VANGL2: variants seen among roughly 807,000 people sequenced by gnomAD.
VANGL2 encodes the protein vang-like protein 2.
A neutral mutation model predicts 50.2 loss-of-function variants in VANGL2; 14 were observed. The observed-to-expected ratio is 0.28, with a 90% confidence interval of 0.18 to 0.44. VANGL2 has a LOEUF of 0.44. VANGL2 is among the 20% of genes least tolerant of loss of function. The pLI is 1.00. For synonymous variants in VANGL2, 295 were observed against 297.2 expected, an observed-to-expected ratio of 0.99 and a Z score of 0.08; for missense variants, 533 against 701.5, an observed-to-expected ratio of 0.76 and a Z score of 2.71.
At position 160,427,682 on chromosome 1, in the gene VANGL2, A is replaced by ACTG. The variant is rs949268926; in HGVS notation, c.*2308_*2310dup. ...GTGGGAAGTTGTCTCCATGCTGTGA[A>ACTG]CTGCTGTGGGGTGTGCAGCTGACTC... On this transcript the variant is annotated 3_prime_UTR_variant, in exon 8 of 8. Transcript: ENST00000368061. 1 of 152,118 alleles carries ACTG rather than the reference A, an allele frequency of 6.6e-6. No homozygotes were observed. Among genetic ancestry groups the ACTG allele is most frequent in the Non-Finnish European group, 1.5e-5 (1 of 67,958 alleles). 9.4% of individuals were successfully genotyped at this position (152,118 alleles called of 1,614,324 possible). A position where few individuals can be genotyped will look rare whatever the true frequency, so the allele number is the denominator to read the frequency against.
chr1:160,406,755 C>T (rs368405456), intron 1 of VANGL2, among the ~76,000 whole-genome samples: 4 of 151,092 alleles, frequency 2.6e-5, no homozygotes, highest in Non-Finnish European at 5.9e-5. Flanking sequence ...TTTTTGAAAC[C>T]GTTTCGCTCG....
intron 1 of VANGL2, among the ~76,000 whole-genome samples, chr1:160,408,169 TG>T (rs1553215878): frequency 1.9e-5 from 2 of 105,264 alleles, no homozygotes; most frequent in Non-Finnish European, 3.9e-5. Flanking sequence ...GGGATGGGGG[TG>T]GGGGTGCCAG....
intron 6 of VANGL2, among the ~76,000 whole-genome samples, chr1:160,423,779 A>T (rs1381689681): frequency 6.6e-6 from 1 of 152,228 alleles, no homozygotes; most frequent in African/African-American, 2.4e-5. Context: ...GTTTGGTGGA[A>T]TGCTTTGTCT....
At chr1:160,410,712 G>T (rs1170354534) in intron 1 of VANGL2, among the ~76,000 whole-genome samples, 1 of 146,248 alleles carries the variant, frequency 6.8e-6, no homozygotes, top group Admixed American at 6.9e-5. Flanking sequence ...ACGCACGCAC[G>T]CACTACTCTA....
In VANGL2 at chr1:160,400,884, G is replaced by A. The variant is rs995306146; in HGVS notation, c.-191+15G>A. The A allele has an allele frequency of 6.6e-6, 1 of 152,288 alleles. No homozygotes were observed. Among genetic ancestry groups the A allele is most frequent in the Non-Finnish European group, 1.5e-5 (1 of 68,136 alleles). 9.4% of individuals were successfully genotyped at this position (152,288 alleles called of 1,614,324 possible). A position where few individuals can be genotyped will look rare whatever the true frequency, so the allele number is the denominator to read the frequency against. On this transcript the variant is annotated intron_variant, in intron 1 of 7. Coordinates refer to ENST00000368061, the MANE Select transcript of VANGL2 (RefSeq NM_020335.3). ...CGCAGCGGCGGGTGAGTGCCGGGCCGCGGGGGCGCGGGCAAAGTTTGAAAA... is the reference window on the plus strand; with the variant it reads ...CGCAGCGGCGGGTGAGTGCCGGGCCACGGGGGCGCGGGCAAAGTTTGAAAA...
intron 1 of VANGL2, among the ~76,000 whole-genome samples, chr1:160,412,743 A>G (rs140145194): frequency 1.4e-4 from 21 of 152,324 alleles, no homozygotes; most frequent in African/African-American, 5.1e-4. Flanking sequence ...ATGAATGAAT[A>G]GATTTCACAT....
rs1651497079 is a variant in VANGL2, at chr1:160,427,476, C to CT, written c.*2099dup. On this transcript the variant is annotated 3_prime_UTR_variant, in exon 8 of 8. Coordinates refer to ENST00000368061, the MANE Select transcript of VANGL2 (RefSeq NM_020335.3). ...AAAAAAATTTTTTGCCTCCAACTCTCTAAGCACTAAGGGCTGTGCCTGAGA... is the reference window on the plus strand; with the variant it reads ...AAAAAAATTTTTTGCCTCCAACTCTCTTAAGCACTAAGGGCTGTGCCTGAGA... The CT allele has an allele frequency of 6.6e-6, 1 of 152,238 alleles. No individual in the cohort carries two copies. Among genetic ancestry groups the CT allele is most frequent in the African/African-American group, 2.4e-5 (1 of 41,310 alleles). 9.4% of individuals were successfully genotyped at this position (152,238 alleles called of 1,614,324 possible). A position where few individuals can be genotyped will look rare whatever the true frequency, so the allele number is the denominator to read the frequency against.
chr1:160,418,135 G>C (rs1351168629), intron 3 of VANGL2, among the ~76,000 whole-genome samples: 1 of 152,038 alleles, frequency 6.6e-6, no homozygotes, highest in East Asian at 1.9e-4. Flanking sequence ...TGGTCAGGCT[G>C]GTCTCGAACT....
intron 1 of VANGL2, among the ~76,000 whole-genome samples, chr1:160,409,586 C>A (rs1009777147): frequency 2.6e-5 from 4 of 152,214 alleles, no homozygotes; most frequent in African/African-American, 9.6e-5. Context: ...ACTTCAGCCC[C>A]CCACCAGGGC....
chr1:160,415,659 G>A lies in VANGL2; in HGVS notation c.-179G>A, dbSNP rs947631563. 8 of 710,598 alleles carry A rather than the reference G, an allele frequency of 1.1e-5. No homozygotes were observed. The highest frequency in any genetic ancestry group is 2.5e-5 in the Admixed American group (1 of 39,488). 44.0% of individuals were successfully genotyped at this position (710,598 alleles called of 1,614,324 possible). ...CTTCCTCTCACCAGGAGCGTCGCTG[G>A]ATTTTCTCTGAGACAAGCCCACCCG... On this transcript the variant is annotated 5_prime_UTR_variant, in exon 2 of 8. Coordinates refer to ENST00000368061, the MANE Select transcript of VANGL2 (RefSeq NM_020335.3).
At chr1:160,404,001 TA>T (rs1427335152) in intron 1 of VANGL2, among the ~76,000 whole-genome samples, 3 of 152,222 alleles carry the variant, frequency 2.0e-5, no homozygotes, top group Admixed American at 1.3e-4. Context: ...TTCTTGGGGT[TA>T]TGAGGATTAA....
Position 160,424,079 on chromosome 1 carries a change from C to T in VANGL2, c.1101C>T (p.Phe367=), listed in dbSNP as rs765427657. 4.3e-6 allele frequency: 7 copies of T among 1,614,018 alleles called. No individual in the cohort carries two copies. In the South Asian group the frequency reaches 6.6e-5, roughly 15 times the overall value. ...TTGTAGTGGCGGTGGAGGAGGCCTT[C>T]ACTCACATTAAGCGGCTGCAGGAAG... ...ARLVVAVEEA[F]THIKRLQEEE... Residue 367 remains phenylalanine (F), a synonymous_variant, in exon 7 of 8, where the codon TTC becomes TTT. Coordinates refer to ENST00000368061, the MANE Select transcript of VANGL2 (RefSeq NM_020335.3).
chr1:160,419,178 T>C lies in VANGL2; in HGVS notation c.369T>C (p.Pro123=). 6.2e-7 allele frequency: 1 copy of C among 1,613,820 alleles called. No individual in the cohort carries two copies. Among genetic ancestry groups the C allele is most frequent in the African/African-American group, 1.3e-5 (1 of 75,066 alleles). The part of the protein sequence containing the change: ...ATLALLSFLT[P]LAFLLLPPLL... Reference sequence around the variant, plus strand: ...TGGCACTGCTGTCTTTCCTCACGCCTCTGGCCTTCCTGCTGCTGCCCCCAC... The same window carrying C: ...TGGCACTGCTGTCTTTCCTCACGCCCCTGGCCTTCCTGCTGCTGCCCCCAC... Residue 123 remains proline, a synonymous_variant, in exon 4 of 8, where the codon CCT becomes CCC. Coordinates refer to ENST00000368061, the MANE Select transcript of VANGL2 (RefSeq NM_020335.3). The surrounding 1 kb of genome is among the most constrained non-coding windows in gnomAD (Gnocchi z 5.8).
In VANGL2 at chr1:160,419,742, T is replaced by G; in HGVS notation, c.800+133T>G. On this transcript the variant is annotated intron_variant, in intron 4 of 7. Transcript: ENST00000368061. The surrounding 1 kb of genome is among the most constrained non-coding windows in gnomAD (Gnocchi z 5.8). ...GAGGGTTGTGTGGGAGGGAGTTGAG[T>G]ACTTTGCACCAAGTAGGTTTTCACC... is the stretch of plus-strand genomic sequence containing the variant. 24 of 1,297,410 alleles carry G rather than the reference T, an allele frequency of 1.8e-5. No homozygotes were observed. Among genetic ancestry groups the G allele is most frequent in the Non-Finnish European group, 2.3e-5 (22 of 967,258 alleles). The allele number at this position is 1,297,410 out of a possible 1,614,324, so 80.4% of individuals were successfully genotyped here. A position where few individuals can be genotyped will look rare whatever the true frequency, so the allele number is the denominator to read the frequency against.
Position 160,400,795 on chromosome 1 carries a change from C to G in VANGL2, c.-265C>G, listed in dbSNP as rs1027404032. On this transcript the variant is annotated 5_prime_UTR_variant, in exon 1 of 8. Coordinates refer to ENST00000368061, the MANE Select transcript of VANGL2 (RefSeq NM_020335.3). ...CAGGAGCGCCGAGTTCGGAGCGACC[C>G]GGAGCGCTGCGGATACAAAGGCGAC... is the stretch of plus-strand genomic sequence containing the variant. The G allele has an allele frequency of 6.6e-6, 1 of 151,774 alleles. No homozygotes were observed. The allele number at this position is 151,774 out of a possible 1,614,324, so 9.4% of individuals were successfully genotyped here.
In VANGL2 at chr1:160,420,415, C is replaced by G. The variant is rs914098370; in HGVS notation, c.805C>G (p.Gln269Glu). 6.2e-7 allele frequency: 1 copy of G among 1,613,954 alleles called. No homozygotes were observed. The highest frequency in any genetic ancestry group is 1.3e-5 in the African/African-American group (1 of 74,886). ...RFYNVGHLSIQRVAVWILEKY... is the reference protein window; with the variant it reads ...RFYNVGHLSIERVAVWILEKY... Reference sequence around the variant, plus strand: ...CTCCTGCCGTCTCCCCCACAGCATCCAGCGCGTGGCAGTGTGGATCCTGGA... The same window carrying G: ...CTCCTGCCGTCTCCCCCACAGCATCGAGCGCGTGGCAGTGTGGATCCTGGA... The change falls in exon 5 of 8, where the codon CAG becomes GAG. Residue 269 changes from glutamine (Q) to glutamate (E), a missense_variant. Physicochemically the swap from Gln to Glu is conservative, Grantham distance 29. Transcript: ENST00000368061.
rs545290463 is a variant in VANGL2 at position 160,419,040 on chromosome 1, C to G, written c.231C>G (p.Gly77=). The change falls in exon 4 of 8, where the codon GGC becomes GGG. Residue 77 remains glycine (G), a synonymous_variant. Coordinates refer to ENST00000368061, the MANE Select transcript of VANGL2 (RefSeq NM_020335.3). The surrounding 1 kb of genome is among the most constrained non-coding windows in gnomAD (Gnocchi z 5.8). ...GGGAAACGACGACAGTAGTAACGGG[C>G]ACCTCAGAGCACAGCATCTCCCATG... ...NWGETTTVVT[G]TSEHSISHDD... 2.5e-6 allele frequency: 4 copies of G among 1,610,046 alleles called. No individual in the cohort carries two copies. The East Asian group carries it at 8.9e-5, about 36-fold the overall frequency.
Position 160,424,264 on chromosome 1 carries a change from C to T in VANGL2, c.1286C>T (p.Thr429Met), listed in dbSNP as rs766750023. Residue 429 changes from threonine to methionine, a missense_variant, in exon 7 of 8, where the codon ACG (threonine) becomes ATG (methionine). Thr to Met is a moderately conservative substitution (Grantham distance 81, BLOSUM62 -1). Coordinates refer to ENST00000368061, the MANE Select transcript of VANGL2 (RefSeq NM_020335.3). ...SILQHLEFCI[T>M]HDMTPKAFLE... Reference sequence around the variant, plus strand: ...CTGCAGCACCTTGAATTCTGCATCACGCATGACATGACGCCCAAGGTAGGC... The same window carrying T: ...CTGCAGCACCTTGAATTCTGCATCATGCATGACATGACGCCCAAGGTAGGC... The T allele has an allele frequency of 3.1e-6, 5 of 1,614,084 alleles. No homozygotes were observed. The highest frequency in any genetic ancestry group is 2.2e-5 in the South Asian group (2 of 91,080).
At position 160,427,388 on chromosome 1, in the gene VANGL2, G is replaced by A. The variant is rs1651493980; in HGVS notation, c.*2010G>A. On this transcript the variant is annotated 3_prime_UTR_variant, in exon 8 of 8. Coordinates refer to ENST00000368061, the MANE Select transcript of VANGL2 (RefSeq NM_020335.3). The stretch of plus-strand genomic sequence containing the variant: ...TGCCCTAGGTTAGGGGCTGGGGAGT[G>A]TTTATTTTAAGATCCTGCCATGTTT... 6.6e-6 allele frequency: 1 copy of A among 152,028 alleles called. No homozygotes were observed. Among genetic ancestry groups the A allele is most frequent in the Non-Finnish European group, 1.5e-5 (1 of 67,916 alleles). 9.4% of individuals were successfully genotyped at this position (152,028 alleles called of 1,614,324 possible). A position where few individuals can be genotyped will look rare whatever the true frequency, so the allele number is the denominator to read the frequency against.
Sources: gnomAD v4.1 joint callset for allele counts (sites outside exome capture counted in the v4.1 genomes callset) on GRCh38, gnomAD v4.1.1 for gene constraint, Gnocchi (gnomAD v3.1) non-coding constraint, MANE v1.5 for transcripts, NCBI Gene and HGNC (gene_info 2026-07-23, HGNC 2026-07-21) for gene names.